Variants in BTRC observed in about 807,000 individuals in gnomAD.
BTRC encodes F-box/WD repeat-containing protein 1A.
Under a neutral mutation model 85.5 loss-of-function variants are expected in BTRC, and 42 were observed. That is an observed-to-expected ratio of 0.49 (90% CI 0.38 to 0.64). The LOEUF is 0.64. Among genes scored for constraint, BTRC ranks in the 30% least tolerant of loss-of-function variants. BTRC has a pLI of 0.00. For synonymous variants in BTRC, 255 were observed against 263.3 expected, an observed-to-expected ratio of 0.97 and a Z score of 0.30; for missense variants, 594 against 743.5, an observed-to-expected ratio of 0.80 and a Z score of 2.34.
At chr10:101,357,197 C>G (rs1308368046) in intron 1 of BTRC, among the ~76,000 whole-genome samples, 1 of 151,408 alleles carries the variant, frequency 6.6e-6, no homozygotes, top group East Asian at 1.9e-4. Flanking sequence ...AATCCCAGCA[C>G]TTTGGGAGGC....
chr10:101,433,802 A>T (rs773857124), intron 2 of BTRC, among the ~76,000 whole-genome samples: 35 of 152,180 alleles, frequency 2.3e-4, no homozygotes, highest in Non-Finnish European at 4.4e-5. Flanking sequence ...CTGGCTATAA[A>T]AAGGATAATT....
chr10:101,548,127 T>A (rs1427804356), intron 13 of BTRC, among the ~76,000 whole-genome samples: 2 of 152,236 alleles, frequency 1.3e-5, no homozygotes, highest in Non-Finnish European at 2.9e-5. Context: ...CAAACTCTGA[T>A]AAACTGTTGG....
chr10:101,520,610 C>T (rs984090067), intron 4 of BTRC, among the ~76,000 whole-genome samples: 1 of 152,148 alleles, frequency 6.6e-6, no homozygotes, highest in Non-Finnish European at 1.5e-5. Context: ...ACCACAGAGT[C>T]TCAGAATATT....
chr10:101,420,129 C>T (rs1015808645), intron 1 of BTRC, among the ~76,000 whole-genome samples: 2 of 151,780 alleles, frequency 1.3e-5, no homozygotes, highest in African/African-American at 4.8e-5. Context: ...TGTAAGATTT[C>T]AGCTTACAAC....
chr10:101,426,896 G>A (rs1038204084), intron 1 of BTRC, among the ~76,000 whole-genome samples: 1 of 152,068 alleles, frequency 6.6e-6, no homozygotes, highest in African/African-American at 2.4e-5. Context: ...CAGGAGAAGC[G>A]ACAAGCTACC....
At chr10:101,385,745 A>G (rs933237637) in intron 1 of BTRC, among the ~76,000 whole-genome samples, 1 of 149,986 alleles carries the variant, frequency 6.7e-6, no homozygotes, top group Admixed American at 6.7e-5. Flanking sequence ...ACACACACAC[A>G]TATGTTTTGT....
intron 5 of BTRC, 42 bp from the exon 6 acceptor site, chr10:101,525,971 C>A: frequency 1.3e-6 from 2 of 1,588,966 alleles, no homozygotes; most frequent in South Asian, 1.1e-5. Context: ...TCATTCGCCA[C>A]CTTCTGTGTT....
At chr10:101,474,356 A>T (rs1464879462) in intron 3 of BTRC, among the ~76,000 whole-genome samples, 1 of 152,086 alleles carries the variant, frequency 6.6e-6, no homozygotes, top group Non-Finnish European at 1.5e-5. Flanking sequence ...ATCTAAACTC[A>T]TGGTCTCTTT....
chr10:101,477,232 C>T (rs1358692351), intron 3 of BTRC, among the ~76,000 whole-genome samples: 1 of 151,806 alleles, frequency 6.6e-6, no homozygotes, highest in Non-Finnish European at 1.5e-5. Context: ...AACTTCTGAT[C>T]TCAAGTGATC....
chr10:101,494,728 A>G (rs888931233), intron 4 of BTRC, among the ~76,000 whole-genome samples: 3 of 152,240 alleles, frequency 2.0e-5, no homozygotes, highest in Non-Finnish European at 4.4e-5. Flanking sequence ...ATGAAAAATG[A>G]AGCCCCTTGT....
chr10:101,482,205 G>C (rs1039759557), intron 4 of BTRC, among the ~76,000 whole-genome samples: 5 of 151,898 alleles, frequency 3.3e-5, no homozygotes, highest in Non-Finnish European at 7.4e-5. Context: ...TTTTTAAGTA[G>C]AGACAGGGTT....
At chr10:101,501,411 C>T (rs1485664256) in intron 4 of BTRC, among the ~76,000 whole-genome samples, 1 of 152,182 alleles carries the variant, frequency 6.6e-6, no homozygotes, top group Non-Finnish European at 1.5e-5. Flanking sequence ...GATACTTCCC[C>T]CAGGTTGTAT....
At chr10:101,442,296 A>G (rs111557096) in intron 2 of BTRC, among the ~76,000 whole-genome samples, 72 of 142,090 alleles carry the variant, frequency 5.1e-4, no homozygotes, top group East Asian at 2.4e-3. Flanking sequence ...CTCTGTGTGT[A>G]TGTGTGTGTG....
At chr10:101,525,948 C>A in intron 5 of BTRC, 65 bp from the exon 6 acceptor site, 1 of 1,496,496 alleles carries the variant, frequency 6.7e-7, no homozygotes, top group Non-Finnish European at 9.2e-7. Context: ...TTTAAAGGAC[C>A]TTTTGTAAAA....
intron 1 of BTRC, among the ~76,000 whole-genome samples, chr10:101,386,541 TTTATC>T (rs1380418250): frequency 1.3e-5 from 2 of 152,260 alleles, no homozygotes; most frequent in Non-Finnish European, 2.9e-5. Context: ...TGGTTTGGAT[TTTATC>T]TTATGTTATC....
chr10:101,432,757 T>C (rs1463226628), intron 2 of BTRC, among the ~76,000 whole-genome samples: 1 of 152,182 alleles, frequency 6.6e-6, no homozygotes, highest in East Asian at 1.9e-4. Flanking sequence ...AAGAGACACA[T>C]AGGGCAGAAT....
At chr10:101,408,937 T>C (rs1943701626) in intron 1 of BTRC, among the ~76,000 whole-genome samples, 1 of 151,880 alleles carries the variant, frequency 6.6e-6, no homozygotes, top group Admixed American at 6.6e-5. Context: ...AAAGCCCAGC[T>C]ATTTGGGAGG....
In BTRC at chr10:101,436,984, A is replaced by T. The variant is rs56731439; in HGVS notation, c.156+6532A>T. ...ATATGGATTATCGAATTGAATATACATTAACATTCAAATTCTATTACAAAA... is the reference window on the plus strand; with the variant it reads ...ATATGGATTATCGAATTGAATATACTTTAACATTCAAATTCTATTACAAAA... On this transcript the variant is annotated intron_variant, in intron 2 of 14. Coordinates refer to ENST00000370187, the MANE Select transcript of BTRC (RefSeq NM_033637.4). Among the ~76,000 whole-genome samples, 71 of 152,338 alleles carry T rather than the reference A, an allele frequency of 4.7e-4. No individual in the cohort carries two copies. The East Asian group carries it at 0.013, about 28-fold the overall frequency.
At chr10:101,538,779 G>A (rs1390316139) in intron 13 of BTRC, among the ~76,000 whole-genome samples, 1 of 152,122 alleles carries the variant, frequency 6.6e-6, no homozygotes, top group Admixed American at 6.5e-5. Flanking sequence ...CGGGTGCGGT[G>A]GCTCATGCCT....
Sources: gnomAD v4.1 joint callset for allele counts (sites outside exome capture counted in the v4.1 genomes callset) on GRCh38, gnomAD v4.1.1 for gene constraint, MANE v1.5 for transcripts, NCBI Gene and HGNC (gene_info 2026-07-23, HGNC 2026-07-21) for gene names.